The following SLITRK6 variants were observed in gnomAD, a reference collection of about 807,000 sequenced individuals.
SLITRK6 encodes the protein SLIT and NTRK like family member 6.
SLITRK6 carries 35 observed loss-of-function variants against 55.6 expected under a neutral mutation model. That is an observed-to-expected ratio of 0.63 (90% CI 0.48 to 0.83). The LOEUF is 0.83. Among genes scored for constraint, SLITRK6 ranks in the 40% least tolerant of loss-of-function variants. The probability of loss-of-function intolerance (pLI) is 0.00; values close to 1 mark genes in which losing one functional copy is unlikely to be tolerated. For missense variants in SLITRK6, 977 were observed against 986.4 expected (o/e 0.99, Z 0.13); for synonymous variants, 392 against 359.6 (o/e 1.09, Z -1.02).
Position 85,794,922 on chromosome 13 carries a change from C to T in SLITRK6, c.1587G>A (p.Gln529=). ...WDCSCDLVGL[Q]QWIQKLSKNT... Reference sequence around the variant, plus strand: ...TCTTGCTTAACTTTTGTATCCATTGCTGCAGTCCAACCAGGTCACAGGAGC... The same window carrying T: ...TCTTGCTTAACTTTTGTATCCATTGTTGCAGTCCAACCAGGTCACAGGAGC... The change falls in exon 2 of 2, where the codon CAG becomes CAA. Residue 529 remains glutamine, a synonymous_variant. Transcript: ENST00000647374. 1 of 1,613,076 alleles carries T rather than the reference C, an allele frequency of 6.2e-7. No individual in the cohort carries two copies. The highest frequency in any genetic ancestry group is 8.5e-7 in the Non-Finnish European group (1 of 1,179,488).
chr13:85,799,230 A>G lies in SLITRK6; in HGVS notation c.-341T>C, dbSNP rs1305851449. On this transcript the variant is annotated 5_prime_UTR_variant, in exon 1 of 2. It removes an upstream start codon present in the reference 5' UTR. Transcript: ENST00000647374. Reference sequence around the variant, plus strand: ...CTGACTTTTTTGCATATAGTTAACCATTTGCAAGCTGCTGAATGCAGTAAG... The same window carrying G: ...CTGACTTTTTTGCATATAGTTAACCGTTTGCAAGCTGCTGAATGCAGTAAG... 6.6e-6 allele frequency: 1 copy of G among 151,948 alleles called. No homozygotes were observed. Among genetic ancestry groups the G allele is most frequent in the Non-Finnish European group, 1.5e-5 (1 of 67,994 alleles). The allele number at this position is 151,948 out of a possible 1,614,324, so 9.4% of individuals were successfully genotyped here.
Position 85,794,240 on chromosome 13 carries a change from T to C in SLITRK6, c.2269A>G (p.Arg757Gly). The C allele has an allele frequency of 1.9e-6, 3 of 1,613,316 alleles. No homozygotes were observed. Among genetic ancestry groups the C allele is most frequent in the Non-Finnish European group, 2.5e-6 (3 of 1,179,522 alleles). ...TCCCTTTCTTTTTCTAAAATGTTTC[T>C]GTACAATGAGCTGGCATCTTGGAAG... ...LSFQDASSLY[R>G]NILEKERELQ... Residue 757 changes from arginine (R) to glycine (G), a missense_variant, in exon 2 of 2, where the codon AGA (arginine) becomes GGA (glycine). Physicochemically the swap from Arg to Gly is moderately radical, Grantham distance 125 (BLOSUM62 -2). Transcript: ENST00000647374.
chr13:85,794,003 C>G lies in SLITRK6; in HGVS notation c.2506G>C (p.Val836Leu), dbSNP rs371823033. 2.5e-4 allele frequency: 402 copies of G among 1,604,150 alleles called. 1 individual carries two copies. Among genetic ancestry groups the G allele is most frequent in the Non-Finnish European group, 3.1e-4 (360 of 1,175,642 alleles). ...NLHAEPDYLE[V>L]LEQQT is the part of the protein sequence containing the mutation. ...TCCATCTATGTTTGCTGCTCCAGGA[C>G]TTCTAAATAGTCAGGTTCAGCATGT... Residue 836 changes from valine to leucine, a missense_variant, in exon 2 of 2, where the codon GTC becomes CTC. Coordinates refer to ENST00000647374, the MANE Select transcript of SLITRK6 (RefSeq NM_032229.3).
chr13:85,795,146 A>G lies in SLITRK6; in HGVS notation c.1363T>C (p.Phe455Leu), dbSNP rs1874670292. The G allele has an allele frequency of 6.2e-7, 1 of 1,613,022 alleles. No homozygotes were observed. The highest frequency in any genetic ancestry group is 2.2e-5 in the East Asian group (1 of 44,828). ...NAIKEILPGT[F>L]NPMPKLKVLY... ...ACTTTAAGTTTAGGCATTGGATTAA[A>G]GGTTCCTGGCAGTATTTCCTTAATG... The change falls in exon 2 of 2, where the codon TTT becomes CTT. Residue 455 changes from phenylalanine (F) to leucine (L), a missense_variant. Phe to Leu is a conservative substitution (Grantham distance 22). Transcript: ENST00000647374.
At position 85,794,977 on chromosome 13, in the gene SLITRK6, TG is replaced by T; in HGVS notation, c.1531del (p.Gln511ArgfsTer25). On this transcript the variant is annotated frameshift_variant, in exon 2 of 2. Coordinates refer to ENST00000647374, the MANE Select transcript of SLITRK6 (RefSeq NM_032229.3). LOFTEE classifies it high-confidence loss of function. ...CCAGGGGTTATCCTCAAGGTCAATCTGGGTTAGCAAATCAAGATCATCCAAA... is the reference window on the plus strand; with the variant it reads ...CCAGGGGTTATCCTCAAGGTCAATCTGGTTAGCAAATCAAGATCATCCAAA... ...NILDDLDLLT[Q>X]IDLEDNPWDC... 1 of 1,613,146 alleles carries T rather than the reference TG, an allele frequency of 6.2e-7. No homozygotes were observed. Among genetic ancestry groups the T allele is most frequent in the South Asian group, 1.1e-5 (1 of 91,082 alleles).
At position 85,795,388 on chromosome 13, in the gene SLITRK6, A is replaced by G. The variant is rs200947970; in HGVS notation, c.1121T>C (p.Ile374Thr). ...ATCAGACTTCATTAAACTGTGAATA[A>G]TATTTCCCGCTAGAATGAGCTTTCT... is the stretch of plus-strand genomic sequence containing the variant. ...NPRKLILAGN[I>T]IHSLMKSDLV... Residue 374 changes from isoleucine to threonine, a missense_variant, in exon 2 of 2, where the codon ATT becomes ACT. By Grantham distance (89) the Ile-to-Thr change is moderately conservative (BLOSUM62 -1). Transcript: ENST00000647374. 3.8e-5 allele frequency: 62 copies of G among 1,612,776 alleles called. No homozygotes were observed. The highest frequency in any genetic ancestry group is 3.8e-4 in the East Asian group (17 of 44,810).
rs1415999220 is a variant in SLITRK6 at position 85,795,525 on chromosome 13, G to A, written c.984C>T (p.Tyr328=). The change falls in exon 2 of 2, where the codon TAC becomes TAT. Residue 328 remains tyrosine, a synonymous_variant. Coordinates refer to ENST00000647374, the MANE Select transcript of SLITRK6 (RefSeq NM_032229.3). ...CTTTGCAGTTACAAGGAATAGGGCA[G>A]TAAGGTCCTGGAAGTTGAGTGGATG... ...TKPSTQLPGP[Y]CPIPCNCKVL... 1 of 1,612,946 alleles carries A rather than the reference G, an allele frequency of 6.2e-7. No individual in the cohort carries two copies. Among genetic ancestry groups the A allele is most frequent in the Admixed American group, 1.7e-5 (1 of 59,854 alleles).
rs1874737094 is a variant in SLITRK6 at position 85,796,681 on chromosome 13, T to G, written c.-24-149A>C. On this transcript the variant is annotated intron_variant, in intron 1 of 1. Coordinates refer to ENST00000647374, the MANE Select transcript of SLITRK6 (RefSeq NM_032229.3). Reference sequence around the variant, plus strand: ...GGGTACCTTGCTGCATTTACATCATTTGTTTCTTTTTTTTTTTTCCTAATA... The same window carrying G: ...GGGTACCTTGCTGCATTTACATCATGTGTTTCTTTTTTTTTTTTCCTAATA... The G allele has an allele frequency of 9.2e-6, 5 of 544,794 alleles. No homozygotes were observed. In the South Asian group the frequency reaches 3.2e-4, roughly 35 times the overall value. 33.7% of individuals were successfully genotyped at this position (544,794 alleles called of 1,614,324 possible).
rs369609707 is a variant in SLITRK6, at chr13:85,795,305, G to A, written c.1204C>T (p.Leu402Phe). The A allele has an allele frequency of 1.9e-6, 3 of 1,612,610 alleles. No homozygotes were observed. In the African/African-American group the frequency reaches 4.0e-5, roughly 22 times the overall value. Residue 402 changes from leucine (L) to phenylalanine (F), a missense_variant, in exon 2 of 2, where the codon CTT becomes TTT. Coordinates refer to ENST00000647374, the MANE Select transcript of SLITRK6 (RefSeq NM_032229.3). ...LHLGNNRIEVLEEGSFMNLTR... is the reference protein window; with the variant it reads ...LHLGNNRIEVFEEGSFMNLTR... Reference sequence around the variant, plus strand: ...AGGTTCATAAACGATCCTTCTTCAAGAACTTCAATACGATTGTTTCCCAAG... The same window carrying A: ...AGGTTCATAAACGATCCTTCTTCAAAAACTTCAATACGATTGTTTCCCAAG...
At chr13:85,796,646 A>G (rs1162335976) in intron 1 of SLITRK6, 114 bp from the exon 2 acceptor site, 2 of 782,252 alleles carry the variant, frequency 2.6e-6, no homozygotes, top group Admixed American at 7.1e-5. Context: ...ACGGATTACC[A>G]TGAAAATATG....
At position 85,794,429 on chromosome 13, in the gene SLITRK6, A is replaced by G. The variant is rs751371495; in HGVS notation, c.2080T>C (p.Ser694Pro). The G allele has an allele frequency of 1.1e-5, 18 of 1,613,128 alleles. No individual in the cohort carries two copies. The South Asian group carries it at 1.4e-4, about 13-fold the overall frequency. The change falls in exon 2 of 2, where the codon TCC (serine) becomes CCC (proline). Residue 694 changes from serine to proline, a missense_variant. Ser to Pro is a moderately conservative substitution (Grantham distance 74). Transcript: ENST00000647374. The stretch of plus-strand genomic sequence containing the variant: ...TCTTCCAGATGCTTTGGACCAAAGG[A>G]TGGACTTCTATAGACATGAACCATG... The part of the protein sequence containing the change: ...SPMVHVYRSP[S>P]FGPKHLEEEE...
chr13:85,796,052 G>A lies in SLITRK6; in HGVS notation c.457C>T (p.Pro153Ser). The A allele has an allele frequency of 6.2e-7, 1 of 1,613,090 alleles. No homozygotes were observed. The highest frequency in any genetic ancestry group is 8.5e-7 in the Non-Finnish European group (1 of 1,179,468). ...CTGTTGAGCTTGCTAAAGGCACTTGGTTCAATCACTGTGATAAAATTGTTA... is the reference window on the plus strand; with the variant it reads ...CTGTTGAGCTTGCTAAAGGCACTTGATTCAATCACTGTGATAAAATTGTTA... ...ADNNFITVIE[P>S]SAFSKLNRLK... Residue 153 changes from proline (P) to serine (S), a missense_variant, in exon 2 of 2, where the codon CCA becomes TCA. Pro to Ser is a moderately conservative substitution (Grantham distance 74, BLOSUM62 -1). Transcript: ENST00000647374.
In SLITRK6 at chr13:85,793,990, T is replaced by C. The variant is rs532459053; in HGVS notation, c.2519A>G (p.Gln840Arg). Reference sequence around the variant, plus strand: ...AGCCCTCAAACTCTCCATCTATGTTTGCTGCTCCAGGACTTCTAAATAGTC... The same window carrying C: ...AGCCCTCAAACTCTCCATCTATGTTCGCTGCTCCAGGACTTCTAAATAGTC... ...EPDYLEVLEQ[Q>R]T The change falls in exon 2 of 2, where the codon CAA becomes CGA. Residue 840 changes from glutamine (Q) to arginine (R), a missense_variant. Transcript: ENST00000647374. 2.5e-6 allele frequency: 4 copies of C among 1,593,486 alleles called. No homozygotes were observed. In the Admixed American group the frequency reaches 7.0e-5, roughly 28 times the overall value.
At position 85,795,677 on chromosome 13, in the gene SLITRK6, C is replaced by G; in HGVS notation, c.832G>C (p.Asp278His). 7 of 1,613,032 alleles carry G rather than the reference C, an allele frequency of 4.3e-6. No homozygotes were observed. Among genetic ancestry groups the G allele is most frequent in the Non-Finnish European group, 5.9e-6 (7 of 1,179,430 alleles). Residue 278 changes from aspartate (D) to histidine (H), a missense_variant, in exon 2 of 2, where the codon GAT (aspartate) becomes CAT (histidine). Asp to His is a moderately conservative substitution (Grantham distance 81). Coordinates refer to ENST00000647374, the MANE Select transcript of SLITRK6 (RefSeq NM_032229.3). ...PTPPVYEEHE[D>H]PSGSLHLAAT... ...GCCAGATGTAATGATCCTGAAGGAT[C>G]CTCATGTTCTTCATACACTGGTGGA...
Position 85,796,464 on chromosome 13 carries a change from A to G in SLITRK6, c.45T>C (p.Cys15=), listed in dbSNP as rs1874728970. The part of the protein sequence containing the change: ...IHLFYSSLLA[C]ISLHSQTPVL... Reference sequence around the variant, plus strand: ...CTGGAGTTTGGGAGTGTAAAGATATACAGGCAAGGAGAGATGAATAAAAGA... The same window carrying G: ...CTGGAGTTTGGGAGTGTAAAGATATGCAGGCAAGGAGAGATGAATAAAAGA... The change falls in exon 2 of 2, where the codon TGT becomes TGC. Residue 15 remains cysteine, a synonymous_variant. Transcript: ENST00000647374. 2 of 1,593,282 alleles carry G rather than the reference A, an allele frequency of 1.3e-6. No individual in the cohort carries two copies. The highest frequency in any genetic ancestry group is 2.2e-5 in the East Asian group (1 of 44,716).
Position 85,799,193 on chromosome 13 carries a change from T to A in SLITRK6, c.-304A>T, listed in dbSNP as rs1272823103. The A allele has an allele frequency of 6.6e-6, 1 of 151,978 alleles. No individual in the cohort carries two copies. The highest frequency in any genetic ancestry group is 1.5e-5 in the Non-Finnish European group (1 of 68,004). The allele number at this position is 151,978 out of a possible 1,614,324, so 9.4% of individuals were successfully genotyped here. A position where few individuals can be genotyped will look rare whatever the true frequency, so the allele number is the denominator to read the frequency against. ...CCCTCAATTAAAATTCACGGCATAC[T>A]TCACAGCTATGCTGACTTTTTTGCA... On this transcript the variant is annotated 5_prime_UTR_variant, in exon 1 of 2. In the 5' UTR this introduces an upstream ATG that the reference lacks. Coordinates refer to ENST00000647374, the MANE Select transcript of SLITRK6 (RefSeq NM_032229.3).
In SLITRK6 at chr13:85,793,907, C is replaced by T. The variant is rs546864236; in HGVS notation, c.*76G>A. 1.2e-5 allele frequency: 18 copies of T among 1,492,636 alleles called. No individual in the cohort carries two copies. The highest frequency in any genetic ancestry group is 6.9e-5 in the Admixed American group (3 of 43,458). 92.5% of individuals were successfully genotyped at this position (1,492,636 alleles called of 1,614,324 possible). On this transcript the variant is annotated 3_prime_UTR_variant, in exon 2 of 2. Coordinates refer to ENST00000647374, the MANE Select transcript of SLITRK6 (RefSeq NM_032229.3). ...TAGGTTCTGATTGATGACACACTCACGTAAGGCACTTATTTACAAGGTATG... is the reference window on the plus strand; with the variant it reads ...TAGGTTCTGATTGATGACACACTCATGTAAGGCACTTATTTACAAGGTATG...
rs762040291 is a variant in SLITRK6, at chr13:85,796,326, C to T, written c.183G>A (p.Val61=). The T allele has an allele frequency of 1.9e-6, 3 of 1,612,086 alleles. No homozygotes were observed. Among genetic ancestry groups the T allele is most frequent in the East Asian group, 2.2e-5 (1 of 44,830 alleles). Residue 61 remains valine (V), a synonymous_variant, in exon 2 of 2, where the codon GTG becomes GTA. Transcript: ENST00000647374. Reference sequence around the variant, plus strand: ...TTAGTTGGAAAGGTCGTGATGGTGGCACACTTATTTCAGATACCATCTTGA... The same window carrying T: ...TTAGTTGGAAAGGTCGTGATGGTGGTACACTTATTTCAGATACCATCTTGA... The part of the protein sequence containing the change: ...KGIKMVSEIS[V]PPSRPFQLSL...
At position 85,795,365 on chromosome 13, in the gene SLITRK6, C is replaced by T; in HGVS notation, c.1144G>A (p.Asp382Asn). ...TCCAAAGTGAAATATTCCACTAGATCAGACTTCATTAAACTGTGAATAATA... is the reference window on the plus strand; with the variant it reads ...TCCAAAGTGAAATATTCCACTAGATTAGACTTCATTAAACTGTGAATAATA... ...GNIIHSLMKS[D>N]LVEYFTLEML... The change falls in exon 2 of 2, where the codon GAT (aspartate) becomes AAT (asparagine). Residue 382 changes from aspartate to asparagine, a missense_variant. By Grantham distance (23) the Asp-to-Asn change is conservative. Transcript: ENST00000647374. 1 of 1,612,736 alleles carries T rather than the reference C, an allele frequency of 6.2e-7. No homozygotes were observed. The highest frequency in any genetic ancestry group is 8.5e-7 in the Non-Finnish European group (1 of 1,179,364).
Sources: gnomAD v4.1 joint callset for allele counts on GRCh38, gnomAD v4.1.1 for gene constraint, MANE v1.5 for transcripts, NCBI Gene and HGNC (gene_info 2026-07-23, HGNC 2026-07-21) for gene names.